TMEM240: variants seen among roughly 807,000 people sequenced by gnomAD.
TMEM240 encodes transmembrane protein 240.
TMEM240 carries 3 observed loss-of-function variants against 19.5 expected under a neutral mutation model. The observed-to-expected ratio is 0.15, with a 90% CI of 0.07 to 0.40. The LOEUF (loss-of-function observed/expected upper bound fraction) is 0.40. Among genes scored for constraint, TMEM240 ranks in the 10% least tolerant of loss-of-function variants. TMEM240 has a pLI of 1.00. For synonymous variants in TMEM240, 123 were observed against 109.3 expected, an observed-to-expected ratio of 1.13 and a Z score of -0.78; for missense variants, 210 against 253.5, an observed-to-expected ratio of 0.83 and a Z score of 1.17.
Position 1,535,225 on chromosome 1 carries a change from C to G in TMEM240, c.*134G>C. On this transcript the variant is annotated 3_prime_UTR_variant, in exon 4 of 4. Transcript: ENST00000378733. This position sits in a 1 kb window ranked among gnomAD's most constrained non-coding sequence, Gnocchi z 8.2. ...GACAGCACCTTCCACTGGACTCTCC[C>G]GGCCGGCCACAGCCCCGGACAACCT... 9.6e-7 allele frequency: 1 copy of G among 1,043,290 alleles called. No individual in the cohort carries two copies. The highest frequency in any genetic ancestry group is 1.4e-6 in the Non-Finnish European group (1 of 733,682). The allele number at this position is 1,043,290 out of a possible 1,614,324, so 64.6% of individuals were successfully genotyped here. A position where few individuals can be genotyped will look rare whatever the true frequency, so the allele number is the denominator to read the frequency against.
intron 2 of TMEM240, among the ~76,000 whole-genome samples, chr1:1,538,658 CG>C (rs757427185): frequency 1.1e-4 from 16 of 152,244 alleles, no homozygotes; most frequent in Admixed American, 2.0e-4. Context: ...GCCCAGCACA[CG>C]TGAGGGTCAC....
chr1:1,536,813 A>G lies in TMEM240; in HGVS notation c.165-1016T>C, dbSNP rs1413287022. Among the ~76,000 whole-genome samples the G allele has an allele frequency of 6.6e-6, 1 of 151,602 alleles. No homozygotes were observed. The highest frequency in any genetic ancestry group is 1.9e-4 in the East Asian group (1 of 5,136). Reference sequence around the variant, plus strand: ...GTCCACACTCCTGGCTGCCTCCCACATCTCCGCCGAGCTCCAGCTGCCTGT... The same window carrying G: ...GTCCACACTCCTGGCTGCCTCCCACGTCTCCGCCGAGCTCCAGCTGCCTGT... On this transcript the variant is annotated intron_variant, in intron 2 of 3. Coordinates refer to ENST00000378733, the MANE Select transcript of TMEM240 (RefSeq NM_001114748.2). This position sits in a 1 kb window ranked among gnomAD's most constrained non-coding sequence, Gnocchi z 5.4.
In TMEM240 at chr1:1,536,747, A is replaced by T. The variant is rs1031689476; in HGVS notation, c.165-950T>A. ...ACTCTGGGATCCCTAGTCCAACAGGAGGGCCTGGGAGTGGAGCCCGCGGGC... is the reference window on the plus strand; with the variant it reads ...ACTCTGGGATCCCTAGTCCAACAGGTGGGCCTGGGAGTGGAGCCCGCGGGC... On this transcript the variant is annotated intron_variant, in intron 2 of 3. Transcript: ENST00000378733. This position sits in a 1 kb window ranked among gnomAD's most constrained non-coding sequence, Gnocchi z 5.4. Among the ~76,000 whole-genome samples, 1 of 152,056 alleles carries T rather than the reference A, an allele frequency of 6.6e-6. No homozygotes were observed. Among genetic ancestry groups the T allele is most frequent in the Non-Finnish European group, 1.5e-5 (1 of 67,986 alleles).
rs1042494141 is a variant in TMEM240 at position 1,535,341 on chromosome 1, G to A, written c.*18C>T. 8.6e-5 allele frequency: 133 copies of A among 1,547,406 alleles called. No homozygotes were observed. Among genetic ancestry groups the A allele is most frequent in the Admixed American group, 9.9e-5 (5 of 50,634 alleles). ...AGCAGCCGGTTGGCTCGGTGGCCCC[G>A]GTAAGTCCCCGTGCGGCTCACAGGT... On this transcript the variant is annotated 3_prime_UTR_variant, in exon 4 of 4. Coordinates refer to ENST00000378733, the MANE Select transcript of TMEM240 (RefSeq NM_001114748.2). This position sits in a 1 kb window ranked among gnomAD's most constrained non-coding sequence, Gnocchi z 8.2.
At position 1,535,207 on chromosome 1, in the gene TMEM240, C is replaced by T. The variant is rs972171131; in HGVS notation, c.*152G>A. ...CCCTTTATAAAAAGAAGAGACAGCACCTTCCACTGGACTCTCCCGGCCGGC... is the reference window on the plus strand; with the variant it reads ...CCCTTTATAAAAAGAAGAGACAGCATCTTCCACTGGACTCTCCCGGCCGGC... On this transcript the variant is annotated 3_prime_UTR_variant, in exon 4 of 4. Coordinates refer to ENST00000378733, the MANE Select transcript of TMEM240 (RefSeq NM_001114748.2). This position sits in a 1 kb window ranked among gnomAD's most constrained non-coding sequence, Gnocchi z 8.2. 1 of 784,382 alleles carries T rather than the reference C, an allele frequency of 1.3e-6. No individual in the cohort carries two copies. The highest frequency in any genetic ancestry group is 3.3e-5 in the Admixed American group (1 of 30,518). 48.6% of individuals were successfully genotyped at this position (784,382 alleles called of 1,614,324 possible).
In TMEM240 at chr1:1,536,270, C is replaced by T. The variant is rs116391986; in HGVS notation, c.165-473G>A. ...CCTGCTGGCCCCAGACCAGCCACTC[C>T]CATGCACCCTTCCCCCCGCTGCTGT... On this transcript the variant is annotated intron_variant, in intron 2 of 3. Coordinates refer to ENST00000378733, the MANE Select transcript of TMEM240 (RefSeq NM_001114748.2). This position sits in a 1 kb window ranked among gnomAD's most constrained non-coding sequence, Gnocchi z 5.4. Among the ~76,000 whole-genome samples, 2,305 of 152,224 alleles carry T rather than the reference C, an allele frequency of 0.015. 61 individuals are homozygous for T. Among genetic ancestry groups the T allele is most frequent in the African/African-American group, 0.052 (2,161 of 41,496 alleles).
In TMEM240 at chr1:1,535,850, T is replaced by TC. The variant is rs1309141979; in HGVS notation, c.165-54dup. On this transcript the variant is annotated intron_variant, in intron 2 of 3. Transcript: ENST00000378733. This position sits in a 1 kb window ranked among gnomAD's most constrained non-coding sequence, Gnocchi z 8.2. ...TCTCCCGCCACCCCCGGCCTGGCCT[T>TC]CCCCCGGGGCGCCTACCCCGTGGTG... is the stretch of plus-strand genomic sequence containing the variant. 3.8e-6 allele frequency: 5 copies of TC among 1,309,698 alleles called. No homozygotes were observed. The highest frequency in any genetic ancestry group is 5.1e-6 in the Non-Finnish European group (5 of 983,652). The allele number at this position is 1,309,698 out of a possible 1,614,324, so 81.1% of individuals were successfully genotyped here.
At chr1:1,537,497 C>T (rs1357467474) in intron 2 of TMEM240, among the ~76,000 whole-genome samples, 3 of 152,218 alleles carry the variant, frequency 2.0e-5, no homozygotes, top group Middle Eastern at 3.4e-3. Context: ...AGCCTGTGTC[C>T]CCCACCATGG....
Position 1,535,734 on chromosome 1 carries a change from G to A in TMEM240, c.228C>T (p.Asn76=), listed in dbSNP as rs532027329. ...GDQSVVDASE[N]YFVTDSVTKQ... is the part of the protein sequence containing the mutation. ...TGGTCACACTGTCCGTCACAAAGTA[G>A]TTCTCGGAGGCGTCCACCACCGACT... is the stretch of plus-strand genomic sequence containing the variant. Residue 76 remains asparagine (N), a synonymous_variant, in exon 3 of 4, where the codon AAC becomes AAT. Coordinates refer to ENST00000378733, the MANE Select transcript of TMEM240 (RefSeq NM_001114748.2). The surrounding 1 kb of genome is among the most constrained non-coding windows in gnomAD (Gnocchi z 8.2). The A allele has an allele frequency of 6.4e-7, 1 of 1,550,416 alleles. No individual in the cohort carries two copies. Among genetic ancestry groups the A allele is most frequent in the African/African-American group, 1.4e-5 (1 of 73,136 alleles).
intron 2 of TMEM240, among the ~76,000 whole-genome samples, chr1:1,538,904 T>G (rs1256058288): frequency 6.6e-6 from 1 of 152,192 alleles, no homozygotes; most frequent in Non-Finnish European, 1.5e-5. Flanking sequence ...GAAAAGCCTG[T>G]CCTCTAAATC....
At position 1,534,997 on chromosome 1, in the gene TMEM240, A is replaced by G. The variant is rs1343909188; in HGVS notation, c.*362T>C. Among the ~76,000 whole-genome samples the G allele has an allele frequency of 6.7e-6, 1 of 148,814 alleles. No homozygotes were observed. Among genetic ancestry groups the G allele is most frequent in the Non-Finnish European group, 1.5e-5 (1 of 67,536 alleles). On this transcript the variant is annotated 3_prime_UTR_variant, in exon 4 of 4. Transcript: ENST00000378733. ...CAGCGCACGGGAAACAGCGCCTTCAAACAGATGCTGGCCCGGGCCGCGCGC... is the reference window on the plus strand; with the variant it reads ...CAGCGCACGGGAAACAGCGCCTTCAGACAGATGCTGGCCCGGGCCGCGCGC...
intron 2 of TMEM240, chr1:1,539,248 G>GC (rs1196488880): frequency 1.7e-5 from 3 of 172,724 alleles, no homozygotes; most frequent in African/African-American, 7.3e-5. Context: ...CTCCTCTCCA[G>GC]CCCGGGGGTG....
In TMEM240 at chr1:1,535,199, A is replaced by G; in HGVS notation, c.*160T>C. The G allele has an allele frequency of 1.4e-6, 1 of 702,984 alleles. No homozygotes were observed. The highest frequency in any genetic ancestry group is 2.3e-6 in the Non-Finnish European group (1 of 440,884). 43.5% of individuals were successfully genotyped at this position (702,984 alleles called of 1,614,324 possible). A position where few individuals can be genotyped will look rare whatever the true frequency, so the allele number is the denominator to read the frequency against. On this transcript the variant is annotated 3_prime_UTR_variant, in exon 4 of 4. Transcript: ENST00000378733. The surrounding 1 kb of genome is among the most constrained non-coding windows in gnomAD (Gnocchi z 8.2). ...CCCCAACCCCCTTTATAAAAAGAAG[A>G]GACAGCACCTTCCACTGGACTCTCC...
chr1:1,540,384 G>C lies in TMEM240; in HGVS notation c.-38C>G. On this transcript the variant is annotated 5_prime_UTR_variant, in exon 1 of 4. Coordinates refer to ENST00000378733, the MANE Select transcript of TMEM240 (RefSeq NM_001114748.2). ...GGCCGGGCCGGAGCGCCGCCCCCCG[G>C]CCCCGGCGCCCCCCCGGCCCCGGCC... The C allele has an allele frequency of 9.8e-7, 1 of 1,015,282 alleles. No homozygotes were observed. Among genetic ancestry groups the C allele is most frequent in the East Asian group, 5.2e-5 (1 of 19,064 alleles). 62.9% of individuals were successfully genotyped at this position (1,015,282 alleles called of 1,614,324 possible). A position where few individuals can be genotyped will look rare whatever the true frequency, so the allele number is the denominator to read the frequency against.
In TMEM240 at chr1:1,535,204, G is replaced by T; in HGVS notation, c.*155C>A. ...ACCCCCTTTATAAAAAGAAGAGACA[G>T]CACCTTCCACTGGACTCTCCCGGCC... is the stretch of plus-strand genomic sequence containing the variant. On this transcript the variant is annotated 3_prime_UTR_variant, in exon 4 of 4. Coordinates refer to ENST00000378733, the MANE Select transcript of TMEM240 (RefSeq NM_001114748.2). The surrounding 1 kb of genome is among the most constrained non-coding windows in gnomAD (Gnocchi z 8.2). The T allele has an allele frequency of 1.7e-6, 1 of 580,398 alleles. No homozygotes were observed. The highest frequency in any genetic ancestry group is 2.7e-6 in the Non-Finnish European group (1 of 372,602). The allele number at this position is 580,398 out of a possible 1,614,324, so 36.0% of individuals were successfully genotyped here. A position where few individuals can be genotyped will look rare whatever the true frequency, so the allele number is the denominator to read the frequency against.
In TMEM240 at chr1:1,536,962, C is replaced by T. The variant is rs556273798; in HGVS notation, c.165-1165G>A. On this transcript the variant is annotated intron_variant, in intron 2 of 3. Coordinates refer to ENST00000378733, the MANE Select transcript of TMEM240 (RefSeq NM_001114748.2). This position sits in a 1 kb window ranked among gnomAD's most constrained non-coding sequence, Gnocchi z 5.4. Reference sequence around the variant, plus strand: ...GCAGCGCCTCAGCCTGGTTTTCAGCCGAGACCCAGAGACCACCCCACCCTC... The same window carrying T: ...GCAGCGCCTCAGCCTGGTTTTCAGCTGAGACCCAGAGACCACCCCACCCTC... Among the ~76,000 whole-genome samples, 27 of 152,190 alleles carry T rather than the reference C, an allele frequency of 1.8e-4. No individual in the cohort carries two copies. The South Asian group carries it at 4.6e-3, about 26-fold the overall frequency.
Position 1,535,582 on chromosome 1 carries a change from C to G in TMEM240, c.373+7G>C. The G allele has an allele frequency of 6.5e-7, 1 of 1,547,528 alleles. No individual in the cohort carries two copies. Among genetic ancestry groups the G allele is most frequent in the Non-Finnish European group, 8.7e-7 (1 of 1,145,258 alleles). On this transcript the variant is annotated splice_region_variant and intron_variant, in intron 3 of 3. Transcript: ENST00000378733. The surrounding 1 kb of genome is among the most constrained non-coding windows in gnomAD (Gnocchi z 8.2). ...GCACTCCCGGGCGGCGGGCACGAGGCACTCACCGTAGCGCCGTCCGGCTCT... is the reference window on the plus strand; with the variant it reads ...GCACTCCCGGGCGGCGGGCACGAGGGACTCACCGTAGCGCCGTCCGGCTCT...
Position 1,535,917 on chromosome 1 carries a change from CAG to C in TMEM240, c.165-122_165-121del. 1.5e-6 allele frequency: 1 copy of C among 659,598 alleles called. No homozygotes were observed. The highest frequency in any genetic ancestry group is 2.7e-6 in the Non-Finnish European group (1 of 370,888). The allele number at this position is 659,598 out of a possible 1,614,324, so 40.9% of individuals were successfully genotyped here. A position where few individuals can be genotyped will look rare whatever the true frequency, so the allele number is the denominator to read the frequency against. ...AGGCCGCCCTGGGGGTTCTCTGAAG[CAG>C]CCTCTTGGGCGGGCGGGTCGGGAAG... On this transcript the variant is annotated intron_variant, in intron 2 of 3. Transcript: ENST00000378733. This position sits in a 1 kb window ranked among gnomAD's most constrained non-coding sequence, Gnocchi z 8.2.
In TMEM240 at chr1:1,536,541, C is replaced by T. The variant is rs1448357352; in HGVS notation, c.165-744G>A. Reference sequence around the variant, plus strand: ...CTCAGTGCCTGCGCGCCTCCATGTCCCTCGGCCTCCCCTCCCCGGGCTCTT... The same window carrying T: ...CTCAGTGCCTGCGCGCCTCCATGTCTCTCGGCCTCCCCTCCCCGGGCTCTT... On this transcript the variant is annotated intron_variant, in intron 2 of 3. Coordinates refer to ENST00000378733, the MANE Select transcript of TMEM240 (RefSeq NM_001114748.2). The surrounding 1 kb of genome is among the most constrained non-coding windows in gnomAD (Gnocchi z 5.4). Among the ~76,000 whole-genome samples the T allele has an allele frequency of 6.6e-6, 1 of 152,210 alleles. No individual in the cohort carries two copies. Among genetic ancestry groups the T allele is most frequent in the African/African-American group, 2.4e-5 (1 of 41,452 alleles).
Sources: gnomAD v4.1 joint callset for allele counts (sites outside exome capture counted in the v4.1 genomes callset) on GRCh38, gnomAD v4.1.1 for gene constraint, Gnocchi (gnomAD v3.1) non-coding constraint, MANE v1.5 for transcripts, NCBI Gene and HGNC (gene_info 2026-07-23, HGNC 2026-07-21) for gene names.